Variants in GTF2F1 observed in about 807,000 individuals in gnomAD.
GTF2F1 encodes the protein general transcription factor IIF 74 kDa subunit.
A neutral mutation model predicts 63.5 loss-of-function variants in GTF2F1; 39 were observed. That is an observed-to-expected ratio of 0.61 (90% confidence interval 0.48 to 0.80). The LOEUF is 0.80. Ranked by LOEUF, GTF2F1 falls within the 30% of genes least tolerant of loss-of-function variation. The probability of loss-of-function intolerance (pLI) is 0.00; values close to 1 mark genes in which losing one functional copy is unlikely to be tolerated. For missense variants in GTF2F1, 657 were observed against 718.3 expected, an observed-to-expected ratio of 0.91 and a Z score of 0.97; for synonymous variants, 287 against 285.3, an observed-to-expected ratio of 1.01 and a Z score of -0.06.
At position 6,383,119 on chromosome 19, in the gene GTF2F1, C is replaced by T. The variant is rs1415776545; in HGVS notation, c.682+192G>A. 6.6e-6 allele frequency among the ~76,000 whole-genome samples: 1 copy of T among 152,208 alleles called. No homozygotes were observed. Among genetic ancestry groups the T allele is most frequent in the Non-Finnish European group, 1.5e-5 (1 of 68,032 alleles). On this transcript the variant is annotated intron_variant, in intron 6 of 12. Transcript: ENST00000394456. The surrounding 1 kb of genome is among the most constrained non-coding windows in gnomAD (Gnocchi z 4.5). ...GTCTCACTGTGTTGGCCAGGCTGGT[C>T]TCAAACTCCTGATCTCAGGTGATCT...
chr19:6,390,570 A>AAAAAAAAAAAAAAAAAC, intron 3 of GTF2F1, among the ~76,000 whole-genome samples: 1 of 149,592 alleles, frequency 6.7e-6, no homozygotes, highest in Non-Finnish European at 1.5e-5. Context: ...AAAAAAAAAA[A>AAAAAAAAAAAAAAAAAC]AGACCAGCCT....
intron 5 of GTF2F1, among the ~76,000 whole-genome samples, chr19:6,385,801 A>T (rs902603350): frequency 2.0e-5 from 3 of 152,188 alleles, no homozygotes; most frequent in African/African-American, 7.2e-5. Flanking sequence ...AAACTAAAGC[A>T]GGGGCTGGGC....
At chr19:6,390,539 T>A (rs2091992509) in intron 3 of GTF2F1, 3 of 73,148 alleles carry the variant, frequency 4.1e-5, no homozygotes, top group African/African-American at 1.4e-4. Flanking sequence ...AAAGCAAGAC[T>A]CAGTCCCCAA....
At chr19:6,384,626 C>A (rs940602200) in intron 5 of GTF2F1, among the ~76,000 whole-genome samples, 3 of 151,738 alleles carry the variant, frequency 2.0e-5, no homozygotes, top group Non-Finnish European at 4.4e-5. Flanking sequence ...CCACACTGAG[C>A]CATGCACCAA....
chr19:6,385,069 T>A (rs1390418797), intron 5 of GTF2F1, among the ~76,000 whole-genome samples: 1 of 152,006 alleles, frequency 6.6e-6, no homozygotes, highest in Non-Finnish European at 1.5e-5. Context: ...CCTGAACAGT[T>A]CTTAGCTAAG....
In GTF2F1 at chr19:6,380,663, G is replaced by T. The variant is rs776378479; in HGVS notation, c.1259C>A (p.Ala420Asp). Residue 420 changes from alanine (A) to aspartate (D), a missense_variant, in exon 12 of 13, where the codon GCC (alanine) becomes GAC (aspartate). Physicochemically the swap from Ala to Asp is moderately radical, Grantham distance 126 (BLOSUM62 -2). This residue lies in a region of GTF2F1 where 602 missense variants were observed against 625.6 expected (regional missense o/e 0.96). Transcript: ENST00000394456. This position sits in a 1 kb window ranked among gnomAD's most constrained non-coding sequence, Gnocchi z 5.3. The stretch of plus-strand genomic sequence containing the variant: ...TCCCGTGTCCAGCCGCAACCGCTTG[G>T]CTGCAGGCATCTCGCTCACCCGCTT... ...QGKRVSEMPA[A>D]KRLRLDTGPQ... 6.2e-7 allele frequency: 1 copy of T among 1,613,190 alleles called. No homozygotes were observed.
Position 6,381,089 on chromosome 19 carries a change from C to G in GTF2F1, c.1092+33G>C. 1 of 1,605,334 alleles carries G rather than the reference C, an allele frequency of 6.2e-7. No homozygotes were observed. The highest frequency in any genetic ancestry group is 8.5e-7 in the Non-Finnish European group (1 of 1,176,072). On this transcript the variant is annotated intron_variant, in intron 10 of 12. Coordinates refer to ENST00000394456, the MANE Select transcript of GTF2F1 (RefSeq NM_002096.3). This position sits in a 1 kb window ranked among gnomAD's most constrained non-coding sequence, Gnocchi z 4.1. ...GGTGGGTGAGTCTGCAAACAGACGC[C>G]CAGGCCTCCCCCGCCACCGGGCTGG...
At chr19:6,391,629 T>C (rs2091998521) in intron 3 of GTF2F1, among the ~76,000 whole-genome samples, 1 of 151,868 alleles carries the variant, frequency 6.6e-6, no homozygotes. Flanking sequence ...TTTAATTTTT[T>C]TGTAGAGTTG....
At chr19:6,386,526 A>G (rs2091974585) in intron 5 of GTF2F1, among the ~76,000 whole-genome samples, 1 of 151,996 alleles carries the variant, frequency 6.6e-6, no homozygotes, top group East Asian at 1.9e-4. Context: ...GATCACTGCA[A>G]GCTCCGCCTC....
chr19:6,387,201 G>T (rs1599213902), intron 5 of GTF2F1, 188 bp downstream of exon 5: 1 of 553,286 alleles, frequency 1.8e-6, no homozygotes, highest in Admixed American at 3.2e-5. Flanking sequence ...ACCCTCTGGG[G>T]TGCCCCATTG....
rs1220580452 is a variant in GTF2F1 at position 6,383,570 on chromosome 19, CA to C, written c.498-76del. 7.4e-6 allele frequency: 11 copies of C among 1,489,530 alleles called. No homozygotes were observed. In the East Asian group the frequency reaches 2.3e-4, roughly 31 times the overall value. 92.3% of individuals were successfully genotyped at this position (1,489,530 alleles called of 1,614,324 possible). ...ATCTGTGCTTGCAGGGGGCGAGCCC[CA>C]GGGCACCACCCACATAGCCTTCAAG... is the stretch of plus-strand genomic sequence containing the variant. On this transcript the variant is annotated intron_variant, in intron 5 of 12. Transcript: ENST00000394456. This position sits in a 1 kb window ranked among gnomAD's most constrained non-coding sequence, Gnocchi z 4.5.
intron 3 of GTF2F1, among the ~76,000 whole-genome samples, chr19:6,391,439 GTTTTTTTTTTT>G (rs11340944): frequency 1.0e-3 from 88 of 87,444 alleles, no homozygotes; most frequent in Non-Finnish European, 1.7e-3. Context: ...TGCCATTTCC[GTTTTTTTTTTT>G]TTTTTTTTTT....
chr19:6,393,164 G>A lies in GTF2F1; in HGVS notation c.-169C>T, dbSNP rs375304020. The A allele has an allele frequency of 4.9e-6, 4 of 808,604 alleles. No individual in the cohort carries two copies. Among genetic ancestry groups the A allele is most frequent in the Admixed American group, 5.3e-5 (2 of 37,898 alleles). 50.1% of individuals were successfully genotyped at this position (808,604 alleles called of 1,614,324 possible). ...GCGCTGGGAAAAGGTAACCGGAAGA[G>A]GCGCTCAAGCTACTCGGTCTACGCT... On this transcript the variant is annotated 5_prime_UTR_variant, in exon 1 of 13. Transcript: ENST00000394456.
rs1599209890 is a variant in GTF2F1, at chr19:6,381,824, T to C, written c.709A>G (p.Lys237Glu). Residue 237 changes from lysine to glutamate, a missense_variant, in exon 7 of 13, where the codon AAG (lysine) becomes GAG (glutamate). Lys to Glu is a moderately conservative substitution (Grantham distance 56). This residue lies in a region of GTF2F1 where 602 missense variants were observed against 625.6 expected (regional missense o/e 0.96). Coordinates refer to ENST00000394456, the MANE Select transcript of GTF2F1 (RefSeq NM_002096.3). This position sits in a 1 kb window ranked among gnomAD's most constrained non-coding sequence, Gnocchi z 4.1. ...CTGCCGCCCTTGGCCAGCGGCGCCT[T>C]CTTCTTGGCCTTGGGGACTCTGCCC... ...EGGRVPKAKK[K>E]APLAKGGRKK... 1.9e-6 allele frequency: 3 copies of C among 1,613,398 alleles called. No homozygotes were observed. Among genetic ancestry groups the C allele is most frequent in the African/African-American group, 1.3e-5 (1 of 75,044 alleles).
Position 6,393,158 on chromosome 19 carries a change from G to T in GTF2F1, c.-163C>A. 1 of 843,932 alleles carries T rather than the reference G, an allele frequency of 1.2e-6. No homozygotes were observed. The highest frequency in any genetic ancestry group is 1.6e-5 in the South Asian group (1 of 64,014). The allele number at this position is 843,932 out of a possible 1,614,324, so 52.3% of individuals were successfully genotyped here. ...CCTCTGGCGCTGGGAAAAGGTAACC[G>T]GAAGAGGCGCTCAAGCTACTCGGTC... On this transcript the variant is annotated 5_prime_UTR_variant, in exon 1 of 13. Coordinates refer to ENST00000394456, the MANE Select transcript of GTF2F1 (RefSeq NM_002096.3).
rs753746645 is a variant in GTF2F1 at position 6,380,947 on chromosome 19, G to A, written c.1188C>T (p.Ser396=). 25 of 1,589,698 alleles carry A rather than the reference G, an allele frequency of 1.6e-5. No individual in the cohort carries two copies. Among genetic ancestry groups the A allele is most frequent in the Non-Finnish European group, 2.1e-5 (25 of 1,168,478 alleles). ...RPGTPSAEGG[S]TSSTLRAAAS... is the part of the protein sequence containing the mutation. ...CAGCCGCCCGCAGGGTGGAGGAGGTGCTGCCACCCTCTGCGCTGGGCGTGC... is the reference window on the plus strand; with the variant it reads ...CAGCCGCCCGCAGGGTGGAGGAGGTACTGCCACCCTCTGCGCTGGGCGTGC... Residue 396 remains serine (S), a synonymous_variant, in exon 11 of 13, where the codon AGC becomes AGT. Coordinates refer to ENST00000394456, the MANE Select transcript of GTF2F1 (RefSeq NM_002096.3). This position sits in a 1 kb window ranked among gnomAD's most constrained non-coding sequence, Gnocchi z 5.3.
rs761192782 is a variant in GTF2F1, at chr19:6,380,711, C to T, written c.1232-21G>A. 1 of 1,605,734 alleles carries T rather than the reference C, an allele frequency of 6.2e-7. No homozygotes were observed. Among genetic ancestry groups the T allele is most frequent in the Admixed American group, 1.7e-5 (1 of 59,994 alleles). On this transcript the variant is annotated intron_variant, in intron 11 of 12. Coordinates refer to ENST00000394456, the MANE Select transcript of GTF2F1 (RefSeq NM_002096.3). The surrounding 1 kb of genome is among the most constrained non-coding windows in gnomAD (Gnocchi z 5.3). ...CTTCCCTGTGGGAGTGGGGTCAGGG[C>T]TGAGTCTTGCAGGCAGGAGGCAGAA... is the stretch of plus-strand genomic sequence containing the variant.
intron 5 of GTF2F1, among the ~76,000 whole-genome samples, chr19:6,386,593 G>A (rs573242180): frequency 0.056 from 8,551 of 151,872 alleles, 328 homozygotes; most frequent in Non-Finnish European, 0.087. Context: ...ACAGGCGCCC[G>A]CCACCATGCC....
chr19:6,391,956 A>G lies in GTF2F1; in HGVS notation c.78T>C (p.Tyr26=), dbSNP rs115413202. ...VRVPKNTTKK[Y]NIMAFNAADK... is the part of the protein sequence containing the mutation. Reference sequence around the variant, plus strand: ...CGGCTGCATTAAAAGCCATGATGTTATATTTTTTGGTTGTATTCCTGGAGT... The same window carrying G: ...CGGCTGCATTAAAAGCCATGATGTTGTATTTTTTGGTTGTATTCCTGGAGT... The change falls in exon 3 of 13, where the codon TAT becomes TAC. Residue 26 remains tyrosine, a synonymous_variant. Coordinates refer to ENST00000394456, the MANE Select transcript of GTF2F1 (RefSeq NM_002096.3). 1.8e-4 allele frequency: 283 copies of G among 1,576,204 alleles called. No homozygotes were observed. The South Asian group carries it at 2.4e-3, about 13-fold the overall frequency.
Sources: gnomAD v4.1 joint callset for allele counts (sites outside exome capture counted in the v4.1 genomes callset) on GRCh38, gnomAD v4.1.1 for gene constraint, gnomAD v4.1.1 regional missense constraint, Gnocchi (gnomAD v3.1) non-coding constraint, MANE v1.5 for transcripts, NCBI Gene and HGNC (gene_info 2026-07-23, HGNC 2026-07-21) for gene names.